The following KLHL5 variants were observed in gnomAD, a reference collection of about 807,000 sequenced individuals.
The protein encoded by KLHL5 is kelch like family member 5.
Under a neutral mutation model 77.7 loss-of-function variants are expected in KLHL5, and 48 were observed. The ratio of observed to expected loss-of-function variants is 0.62; its 90% CI spans 0.49 to 0.79. KLHL5 has a LOEUF of 0.79. Among genes scored for constraint, KLHL5 ranks in the 30% least tolerant of loss-of-function variants. The probability of loss-of-function intolerance (pLI) is 0.00; values close to 1 mark genes in which losing one functional copy is unlikely to be tolerated. For synonymous variants in KLHL5, 260 were observed against 297.0 expected (o/e 0.88, Z 1.28); for missense variants, 723 against 859.7 (o/e 0.84, Z 1.99).
chr4:39,108,045 A>G (rs1722179180), intron 8 of KLHL5, among the ~76,000 whole-genome samples: 2 of 151,214 alleles, frequency 1.3e-5, no homozygotes, highest in African/African-American at 4.8e-5. Context: ...TTAAAAGTAT[A>G]TTATCTATAT....
intron 7 of KLHL5, 106 bp downstream of exon 7, chr4:39,103,617 C>T: frequency 3.6e-6 from 3 of 839,110 alleles, no homozygotes; most frequent in Non-Finnish European, 5.8e-6. Flanking sequence ...GCGTCAGCAG[C>T]AGTCACCAAG....
intron 10 of KLHL5, among the ~76,000 whole-genome samples, chr4:39,116,822 T>C (rs1722872791): frequency 6.6e-6 from 1 of 151,538 alleles, no homozygotes; most frequent in South Asian, 2.1e-4. Flanking sequence ...TCTGCAAAAA[T>C]TTGTGGGTTT....
At position 39,121,288 on chromosome 4, in the gene KLHL5, T is replaced by A; in HGVS notation, c.*222T>A. On this transcript the variant is annotated 3_prime_UTR_variant, in exon 11 of 11. Transcript: ENST00000504108. ...AAATTAAAACCTGCAGCTGGTGGAT[T>A]GTGATCACACATTCCCGAAGTAATA... 3 of 568,356 alleles carry A rather than the reference T, an allele frequency of 5.3e-6. No individual in the cohort carries two copies. The highest frequency in any genetic ancestry group is 9.4e-6 in the Non-Finnish European group (3 of 319,188). 35.2% of individuals were successfully genotyped at this position (568,356 alleles called of 1,614,324 possible). A position where few individuals can be genotyped will look rare whatever the true frequency, so the allele number is the denominator to read the frequency against.
chr4:39,118,133 T>C (rs12499266), intron 10 of KLHL5, among the ~76,000 whole-genome samples: 78,236 of 150,762 alleles, frequency 0.52, 21,033 homozygotes, highest in Non-Finnish European at 0.6. Flanking sequence ...TAAATGATGA[T>C]GATAGAAAGT....
At chr4:39,093,562 A>G (rs1720784256) in intron 5 of KLHL5, 1 of 382,684 alleles carries the variant, frequency 2.6e-6, no homozygotes, top group Admixed American at 3.4e-5. Flanking sequence ...AAAAGGATAC[A>G]CTCTGACCAG....
At chr4:39,085,051 G>T (rs1435856117) in intron 4 of KLHL5, among the ~76,000 whole-genome samples, 1 of 152,086 alleles carries the variant, frequency 6.6e-6, no homozygotes, top group Non-Finnish European at 1.5e-5. Context: ...TTACAAGTGG[G>T]ATAACTGGGT....
chr4:39,093,018 G>C (rs901764806), intron 5 of KLHL5: 1 of 445,388 alleles, frequency 2.2e-6, no homozygotes, highest in Non-Finnish European at 4.5e-6. Flanking sequence ...AATTACCCAA[G>C]AGAAATATAT....
In KLHL5 at chr4:39,124,055, T is replaced by C. The variant is rs969053507; in HGVS notation, c.*2989T>C. Among the ~76,000 whole-genome samples, 3 of 152,142 alleles carry C rather than the reference T, an allele frequency of 2.0e-5. No individual in the cohort carries two copies. The highest frequency in any genetic ancestry group is 3.8e-4 in the East Asian group (2 of 5,196). On this transcript the variant is annotated 3_prime_UTR_variant, in exon 11 of 11. Coordinates refer to ENST00000504108, the MANE Select transcript of KLHL5 (RefSeq NM_015990.5). Reference sequence around the variant, plus strand: ...CTGAGGGGAAATTAAAACAATTTCATTTACAATAACATGAAAAAGAATAAA... The same window carrying C: ...CTGAGGGGAAATTAAAACAATTTCACTTACAATAACATGAAAAAGAATAAA...
the KLHL5 span, among the ~76,000 whole-genome samples, chr4:39,136,139 T>A: frequency 6.6e-6 from 1 of 151,680 alleles, no homozygotes; most frequent in Non-Finnish European, 1.5e-5. Context: ...AGTTTATTTT[T>A]AAAAATCATT....
chr4:39,045,605 T>C (rs945722925), intron 1 of KLHL5, among the ~76,000 whole-genome samples: 12 of 152,156 alleles, frequency 7.9e-5, no homozygotes, highest in African/African-American at 2.9e-4. Flanking sequence ...GACTTCATTT[T>C]CCCGAGACCC....
chr4:39,054,205 T>A (rs1258535657), intron 1 of KLHL5, among the ~76,000 whole-genome samples: 1 of 152,226 alleles, frequency 6.6e-6, no homozygotes, highest in Non-Finnish European at 1.5e-5. Flanking sequence ...ACAACTACTC[T>A]ACCTGCCTCA....
intron 1 of KLHL5, among the ~76,000 whole-genome samples, chr4:39,074,000 T>C (rs1718761691): frequency 6.6e-6 from 1 of 152,084 alleles, no homozygotes; most frequent in Non-Finnish European, 1.5e-5. Flanking sequence ...TTTTTGCTTA[T>C]GTTATCCTGT....
chr4:39,061,840 T>A (rs1341310225), upstream of KLHL5, among the ~76,000 whole-genome samples: 1 of 152,238 alleles, frequency 6.6e-6, no homozygotes, highest in African/African-American at 2.4e-5. Flanking sequence ...TACATTTTGA[T>A]CCTTTGTAGT....
intron 6 of KLHL5, 110 bp from the exon 7 acceptor site, chr4:39,103,177 A>G: frequency 1.2e-6 from 1 of 857,438 alleles, no homozygotes. Flanking sequence ...AATATAATAA[A>G]ATTATTATTC....
intron 1 of KLHL5, among the ~76,000 whole-genome samples, chr4:39,052,319 A>G (rs918248175): frequency 6.6e-6 from 1 of 151,884 alleles, no homozygotes; most frequent in Admixed American, 6.6e-5. Flanking sequence ...ATGGGGTTTC[A>G]CTATTGGCCA....
In KLHL5 at chr4:39,107,585, A is replaced by G; in HGVS notation, c.1542A>G (p.Glu514=). The G allele has an allele frequency of 6.2e-7, 1 of 1,610,430 alleles. No individual in the cohort carries two copies. Among genetic ancestry groups the G allele is most frequent in the Non-Finnish European group, 8.5e-7 (1 of 1,177,432 alleles). ...HRHGLGVAVL[E]GPMYAVGGHD... is the part of the protein sequence containing the mutation. ...TCCTCATAGGTGTGGCTGTACTGGA[A>G]GGTCCCATGTATGCCGTAGGAGGAC... Residue 514 remains glutamate (E), a synonymous_variant, in exon 8 of 11, where the codon GAA becomes GAG. Transcript: ENST00000504108.
intron 6 of KLHL5, among the ~76,000 whole-genome samples, chr4:39,101,189 G>A (rs192386612): frequency 1.5e-5 from 2 of 134,362 alleles, no homozygotes; most frequent in East Asian, 2.1e-4. Flanking sequence ...TTTGAAATTA[G>A]CAAAATAACT....
the KLHL5 span, among the ~76,000 whole-genome samples, chr4:39,138,151 G>A: frequency 6.6e-6 from 1 of 152,088 alleles, no homozygotes; most frequent in Non-Finnish European, 1.5e-5. Flanking sequence ...TGCACTGTTG[G>A]TGGGAGTGTA....
intron 6 of KLHL5, among the ~76,000 whole-genome samples, chr4:39,098,135 CA>C (rs571749349): frequency 0.054 from 3,840 of 70,768 alleles, 125 homozygotes; most frequent in African/African-American, 0.15. Context: ...GAATCCATCT[CA>C]AAAAAAAAAA....
Sources: gnomAD v4.1 joint callset for allele counts (sites outside exome capture counted in the v4.1 genomes callset) on GRCh38, gnomAD v4.1.1 for gene constraint, MANE v1.5 for transcripts, NCBI Gene and HGNC (gene_info 2026-07-23, HGNC 2026-07-21) for gene names.